Variants in SLC13A3 observed in about 807,000 individuals in gnomAD.
SLC13A3 encodes Na(+)/dicarboxylate cotransporter 3.
In SLC13A3, 40 loss-of-function variants were observed where a neutral mutation model predicts 59.0. The observed-to-expected ratio is 0.68, with a 90% CI of 0.53 to 0.88. The LOEUF is 0.88. Among genes scored for constraint, SLC13A3 ranks in the 40% least tolerant of loss-of-function variants. The pLI, the probability that SLC13A3 is intolerant of heterozygous loss-of-function variation, is 0.00. For synonymous variants in SLC13A3, 317 were observed against 330.3 expected, an observed-to-expected ratio of 0.96 and a Z score of 0.44; for missense variants, 699 against 783.2, an observed-to-expected ratio of 0.89 and a Z score of 1.28.
chr20:46,588,973 AC>A, intron 7 of SLC13A3, among the ~76,000 whole-genome samples, 186 bp downstream of exon 7: 1 of 151,994 alleles, frequency 6.6e-6, no homozygotes, highest in Non-Finnish European at 1.5e-5. Context: ...TCAGGTTTCT[AC>A]CCCAGCACCA....
intron 1 of SLC13A3, among the ~76,000 whole-genome samples, chr20:46,666,291 A>G (rs768315330): frequency 3.8e-4 from 58 of 152,214 alleles, no homozygotes; most frequent in Non-Finnish European, 7.2e-4. Context: ...GGGTGTCAGT[A>G]TCCCTTTAAG....
At chr20:46,662,546 CA>C (rs1460615242) in intron 1 of SLC13A3, among the ~76,000 whole-genome samples, 1 of 152,072 alleles carries the variant, frequency 6.6e-6, no homozygotes, top group Non-Finnish European at 1.5e-5. Context: ...AACGATATTA[CA>C]AAAAGGAAGT....
chr20:46,637,882 G>T (rs2062809678), intron 1 of SLC13A3, among the ~76,000 whole-genome samples: 1 of 152,156 alleles, frequency 6.6e-6, no homozygotes, highest in Admixed American at 6.5e-5. Flanking sequence ...CCCCCAGGAG[G>T]TGATTCAGGG....
At chr20:46,572,071 A>T (rs1215571345) in intron 10 of SLC13A3, among the ~76,000 whole-genome samples, 4 of 152,124 alleles carry the variant, frequency 2.6e-5, no homozygotes, top group African/African-American at 4.8e-5. Flanking sequence ...TTGTGGCAGG[A>T]GAAAACTGTA....
intron 1 of SLC13A3, among the ~76,000 whole-genome samples, chr20:46,658,888 CCTTT>C (rs1439608377): frequency 2.0e-5 from 3 of 152,096 alleles, no homozygotes; most frequent in South Asian, 2.1e-4. Flanking sequence ...GGTGGATTCA[CCTTT>C]CTATCATTCT....
chr20:46,635,103 G>C (rs1376733714), intron 1 of SLC13A3, among the ~76,000 whole-genome samples: 1 of 152,162 alleles, frequency 6.6e-6, no homozygotes, highest in Non-Finnish European at 1.5e-5. Context: ...TCCTGGAAAA[G>C]GCTGTTATGA....
intron 1 of SLC13A3, among the ~76,000 whole-genome samples, chr20:46,617,500 A>G (rs746112332): frequency 2.6e-4 from 39 of 152,152 alleles, no homozygotes; most frequent in Admixed American, 1.3e-4. Context: ...CTCAAACCCA[A>G]ATCACCTTCC....
intron 1 of SLC13A3, among the ~76,000 whole-genome samples, chr20:46,676,536 C>A (rs886296907): frequency 6.6e-6 from 1 of 151,438 alleles, no homozygotes; most frequent in Non-Finnish European, 1.5e-5. Context: ...ATTACAGGCA[C>A]GAGCCACTGC....
Position 46,613,920 on chromosome 20 carries a change from G to T in SLC13A3, c.112-195C>A. On this transcript the variant is annotated intron_variant, in intron 1 of 12. Transcript: ENST00000279027. The stretch of plus-strand genomic sequence containing the variant: ...TGTGTGCCTAAGGCGTTGACTTAAA[G>T]CAGGTGGCATCACCTTTCTAAGCCT... 1.2e-5 allele frequency: 6 copies of T among 512,908 alleles called. No individual in the cohort carries two copies. In the Admixed American group the frequency reaches 1.5e-4, roughly 12 times the overall value. 31.8% of individuals were successfully genotyped at this position (512,908 alleles called of 1,614,324 possible). A position where few individuals can be genotyped will look rare whatever the true frequency, so the allele number is the denominator to read the frequency against.
intron 3 of SLC13A3, among the ~76,000 whole-genome samples, chr20:46,603,869 G>A (rs958890872): frequency 9.2e-5 from 14 of 151,742 alleles, no homozygotes; most frequent in Admixed American, 2.0e-4. Context: ...ACAGAGCTGG[G>A]TAGTCCCAGC....
At chr20:46,649,811 C>T (rs897111652) in intron 1 of SLC13A3, among the ~76,000 whole-genome samples, 2 of 152,052 alleles carry the variant, frequency 1.3e-5, no homozygotes, top group Non-Finnish European at 1.5e-5. Flanking sequence ...TCTTCCACGT[C>T]GAGAAAGTCT....
chr20:46,632,795 A>C lies in SLC13A3; in HGVS notation c.111+18516T>G, dbSNP rs1462736873. 4.7e-5 allele frequency among the ~76,000 whole-genome samples: 7 copies of C among 150,324 alleles called. No homozygotes were observed. The East Asian group carries it at 7.8e-4, about 17-fold the overall frequency. Reference sequence around the variant, plus strand: ...CAACATATAGCCCAGAGTAATCTCTATCTCTCTCTCTCTCTTTCTTCCTCT... The same window carrying C: ...CAACATATAGCCCAGAGTAATCTCTCTCTCTCTCTCTCTCTTTCTTCCTCT... On this transcript the variant is annotated intron_variant, in intron 1 of 12. Transcript: ENST00000279027.
chr20:46,574,483 G>C (rs2062055850), intron 10 of SLC13A3, among the ~76,000 whole-genome samples: 1 of 152,186 alleles, frequency 6.6e-6, no homozygotes, highest in Non-Finnish European at 1.5e-5. Context: ...GCACGCCCCG[G>C]AGAGTGAGCA....
intron 3 of SLC13A3, chr20:46,609,156 A>T: frequency 7.0e-7 from 1 of 1,437,466 alleles, no homozygotes; most frequent in Non-Finnish European, 9.2e-7. Flanking sequence ...CAGTTATGTA[A>T]ATTAAAAGTA....
intron 2 of SLC13A3, 75 bp from the exon 3 acceptor site, chr20:46,610,684 C>G: frequency 2.4e-6 from 3 of 1,271,250 alleles, no homozygotes; most frequent in Non-Finnish European, 3.3e-6. Context: ...GTTTGCCATC[C>G]CTGAGGAATA....
chr20:46,583,860 T>TG, intron 8 of SLC13A3, 191 bp from the exon 9 acceptor site: 1 of 985,408 alleles, frequency 1.0e-6, no homozygotes, highest in Non-Finnish European at 1.2e-6. Context: ...CACAGCTCCC[T>TG]GGGGGCATTT....
chr20:46,589,365 T>TGTG, intron 6 of SLC13A3, 110 bp from the exon 7 acceptor site: 2 of 799,346 alleles, frequency 2.5e-6, no homozygotes, highest in Non-Finnish European at 4.2e-6. Flanking sequence ...TCCGGGAGGC[T>TGTG]GCAACTGCCT....
At chr20:46,608,269 A>C (rs2062455632) in intron 3 of SLC13A3, among the ~76,000 whole-genome samples, 1 of 152,198 alleles carries the variant, frequency 6.6e-6, no homozygotes, top group Admixed American at 6.5e-5. Flanking sequence ...TGATACAAAA[A>C]TTATATGAAA....
Position 46,601,825 on chromosome 20 carries a change from AG to A in SLC13A3, c.542-1789del, listed in dbSNP as rs2062383309. On this transcript the variant is annotated intron_variant, in intron 3 of 12. Coordinates refer to ENST00000279027, the MANE Select transcript of SLC13A3 (RefSeq NM_022829.6). ...GGAGCACACCCAGGAAGCAAAGGGGAGGCCAGTGGAGCTGCAGGGGCCAGAG... is the reference window on the plus strand; with the variant it reads ...GGAGCACACCCAGGAAGCAAAGGGGAGCCAGTGGAGCTGCAGGGGCCAGAG... 1.3e-5 allele frequency among the ~76,000 whole-genome samples: 2 copies of A among 152,136 alleles called. 1 individual carries two copies. The highest frequency in any genetic ancestry group is 4.1e-4 in the South Asian group (2 of 4,820).
Sources: gnomAD v4.1 joint callset for allele counts (sites outside exome capture counted in the v4.1 genomes callset) on GRCh38, gnomAD v4.1.1 for gene constraint, MANE v1.5 for transcripts, NCBI Gene and HGNC (gene_info 2026-07-23, HGNC 2026-07-21) for gene names.